KCND3: variants seen among roughly 807,000 people sequenced by gnomAD.
KCND3 encodes potassium voltage-gated channel subfamily D member 3.
Under a neutral mutation model 51.1 loss-of-function variants are expected in KCND3, and 9 were observed. The ratio of observed to expected loss-of-function variants is 0.18; its 90% CI spans 0.11 to 0.31. KCND3 has a LOEUF of 0.31. Among genes scored for constraint, KCND3 ranks in the 10% least tolerant of loss-of-function variants. The pLI, the probability that KCND3 is intolerant of heterozygous loss-of-function variation, is 1.00. For synonymous variants in KCND3, 349 were observed against 368.0 expected (o/e 0.95, Z 0.59); for missense variants, 526 against 903.8 (o/e 0.58, Z 5.36).
chr1:111,776,827 A>C (rs1664137273), intron 7 of KCND3, among the ~76,000 whole-genome samples, 199 bp downstream of exon 7: 1 of 152,052 alleles, frequency 6.6e-6, no homozygotes, highest in Non-Finnish European at 1.5e-5. Context: ...TTCAGCCTAA[A>C]CTGCTATAGT....
chr1:111,929,211 A>C (rs1379717095), intron 2 of KCND3, among the ~76,000 whole-genome samples: 2 of 152,172 alleles, frequency 1.3e-5, no homozygotes, highest in Non-Finnish European at 2.9e-5. Context: ...GTACCTGGGC[A>C]CCAGGTCACC....
At chr1:111,800,711 CA>C (rs1665267924) in intron 2 of KCND3, among the ~76,000 whole-genome samples, 1 of 152,198 alleles carries the variant, frequency 6.6e-6, no homozygotes, top group African/African-American at 2.4e-5. Flanking sequence ...GGCTGAAGCT[CA>C]AGAGGCTGTG....
intron 2 of KCND3, among the ~76,000 whole-genome samples, chr1:111,800,915 G>T (rs1441054371): frequency 6.6e-6 from 1 of 152,216 alleles, no homozygotes; most frequent in Non-Finnish European, 1.5e-5. Flanking sequence ...TCAGATCCCA[G>T]GAAACTTCTA....
intron 2 of KCND3, among the ~76,000 whole-genome samples, chr1:111,817,674 G>A (rs1666159848): frequency 6.6e-6 from 1 of 152,122 alleles, no homozygotes; most frequent in East Asian, 1.9e-4. Flanking sequence ...TCTTGAAAAA[G>A]ATCATGCCTC....
chr1:111,840,224 T>C (rs533774662), intron 2 of KCND3, among the ~76,000 whole-genome samples: 34 of 152,134 alleles, frequency 2.2e-4, no homozygotes, highest in Non-Finnish European at 4.4e-4. Context: ...AACTATAGCA[T>C]TGGAAATTCG....
chr1:111,835,099 A>G (rs71673440), intron 2 of KCND3, among the ~76,000 whole-genome samples: 3,026 of 152,262 alleles, frequency 0.02, 38 homozygotes, highest in African/African-American at 0.028. Context: ...AGCAACCTAC[A>G]GAGATTGAGG....
chr1:111,937,661 C>T lies in KCND3; in HGVS notation c.1106+43960G>A, dbSNP rs551365581. 1.5e-3 allele frequency among the ~76,000 whole-genome samples: 233 copies of T among 152,228 alleles called. 7 individuals carry two copies. The South Asian group carries it at 0.024, about 16-fold the overall frequency. The stretch of plus-strand genomic sequence containing the variant: ...AAACAGTGTAGCCATCAGAGAGGGA[C>T]GAGGCCAGGGCATAAAGTCCAGGAA... On this transcript the variant is annotated intron_variant, in intron 2 of 7. Transcript: ENST00000302127.
chr1:111,798,521 C>T (rs1665158290), intron 2 of KCND3, among the ~76,000 whole-genome samples: 1 of 151,890 alleles, frequency 6.6e-6, no homozygotes, highest in Non-Finnish European at 1.5e-5. Context: ...TCTCTGGATC[C>T]CTGGTGCCTG....
chr1:111,780,914 C>T lies in KCND3; in HGVS notation c.1270-123G>A, dbSNP rs1571627330. 4 of 792,140 alleles carry T rather than the reference C, an allele frequency of 5.0e-6. No homozygotes were observed. Among genetic ancestry groups the T allele is most frequent in the Non-Finnish European group, 6.4e-6 (3 of 467,120 alleles). 49.1% of individuals were successfully genotyped at this position (792,140 alleles called of 1,614,324 possible). On this transcript the variant is annotated intron_variant, in intron 3 of 7. Coordinates refer to ENST00000302127, the MANE Select transcript of KCND3 (RefSeq NM_001378969.1). This position sits in a 1 kb window ranked among gnomAD's most constrained non-coding sequence, Gnocchi z 4.2. ...TGATGAAGGGGATGAGGCTGTTTCTCTCCAACCTCATGCATCTCCAGTTGT... is the reference window on the plus strand; with the variant it reads ...TGATGAAGGGGATGAGGCTGTTTCTTTCCAACCTCATGCATCTCCAGTTGT...
chr1:111,959,038 G>GCA (rs1673493311), intron 2 of KCND3, among the ~76,000 whole-genome samples: 1 of 152,044 alleles, frequency 6.6e-6, no homozygotes, highest in Admixed American at 6.5e-5. Flanking sequence ...ACACACTCTC[G>GCA]CACACACACT....
At chr1:111,863,139 T>C (rs1471964731) in intron 2 of KCND3, among the ~76,000 whole-genome samples, 1 of 152,234 alleles carries the variant, frequency 6.6e-6, no homozygotes, top group Admixed American at 6.5e-5. Context: ...TTTGTTTCAT[T>C]AAATCTATGC....
intron 2 of KCND3, among the ~76,000 whole-genome samples, chr1:111,811,331 T>TG (rs1362446824): frequency 2.0e-5 from 3 of 152,038 alleles, no homozygotes; most frequent in African/African-American, 7.3e-5. Context: ...GAAAATCAGA[T>TG]GGAAAAAGAG....
Position 111,922,093 on chromosome 1 carries a change from A to G in KCND3, c.1106+59528T>C, listed in dbSNP as rs188178867. Among the ~76,000 whole-genome samples the G allele has an allele frequency of 4.6e-5, 7 of 152,364 alleles. No individual in the cohort carries two copies. In the East Asian group the frequency reaches 1.2e-3, roughly 25 times the overall value. On this transcript the variant is annotated intron_variant, in intron 2 of 7. Transcript: ENST00000302127. ...CAACTATTTGTTGCCTTGAAGCCTA[A>G]GAATGCTTCCAGGCAGCCCTAACTT...
At chr1:111,894,721 C>A (rs1017799022) in intron 2 of KCND3, among the ~76,000 whole-genome samples, 10 of 152,198 alleles carry the variant, frequency 6.6e-5, no homozygotes, top group African/African-American at 2.4e-4. Flanking sequence ...CAGCAGCCAT[C>A]TGGTCCCAAG....
intron 2 of KCND3, among the ~76,000 whole-genome samples, chr1:111,793,168 A>G (rs1664910993): frequency 6.7e-6 from 1 of 150,304 alleles, no homozygotes; most frequent in African/African-American, 2.5e-5. Context: ...CCCAGCCAGA[A>G]GCATATTCTT....
At chr1:111,887,695 T>C (rs1162309585) in intron 2 of KCND3, among the ~76,000 whole-genome samples, 1 of 152,124 alleles carries the variant, frequency 6.6e-6, no homozygotes, top group African/African-American at 2.4e-5. Flanking sequence ...GGCCAGCATA[T>C]AGCTTTATCA....
chr1:111,842,357 G>C (rs1333256455), intron 2 of KCND3, among the ~76,000 whole-genome samples: 1 of 152,198 alleles, frequency 6.6e-6, no homozygotes, highest in East Asian at 1.9e-4. Context: ...ATCCCTGTGG[G>C]GAGCAGTCAT....
intron 2 of KCND3, among the ~76,000 whole-genome samples, chr1:111,895,880 G>C (rs1670086390): frequency 6.6e-6 from 1 of 152,210 alleles, no homozygotes; most frequent in Non-Finnish European, 1.5e-5. Context: ...CTGTATCTGG[G>C]GCCACATCAA....
In KCND3 at chr1:111,771,179, A is replaced by G. The variant is rs1663897447; in HGVS notation, c.*4898T>C. On this transcript the variant is annotated 3_prime_UTR_variant, in exon 8 of 8. Coordinates refer to ENST00000302127, the MANE Select transcript of KCND3 (RefSeq NM_001378969.1). ...ATGTCATTCCCACACTTGAGAAAAA[A>G]CACAGAACATTCTGAATAGAAAACA... 6.6e-6 allele frequency: 1 copy of G among 152,210 alleles called. No individual in the cohort carries two copies. The highest frequency in any genetic ancestry group is 6.5e-5 in the Admixed American group (1 of 15,286). The allele number at this position is 152,210 out of a possible 1,614,324, so 9.4% of individuals were successfully genotyped here. A position where few individuals can be genotyped will look rare whatever the true frequency, so the allele number is the denominator to read the frequency against.
Sources: gnomAD v4.1 joint callset for allele counts (sites outside exome capture counted in the v4.1 genomes callset) on GRCh38, gnomAD v4.1.1 for gene constraint, Gnocchi (gnomAD v3.1) non-coding constraint, MANE v1.5 for transcripts, NCBI Gene and HGNC (gene_info 2026-07-23, HGNC 2026-07-21) for gene names.